BCAR3: variants seen among roughly 807,000 people sequenced by gnomAD.
The protein encoded by BCAR3 is BCAR3 adaptor protein, NSP family member, also known as breast cancer anti-estrogen resistance protein 3.
BCAR3 carries 37 observed loss-of-function variants against 80.1 expected under a neutral mutation model. The observed-to-expected ratio is 0.46, with a 90% CI of 0.36 to 0.61. BCAR3 has a LOEUF of 0.61. BCAR3 is among the 20% of genes least tolerant of loss of function. The pLI is 0.00. For missense variants in BCAR3, 978 were observed against 1,068.2 expected (o/e 0.92, Z 1.18); for synonymous variants, 389 against 418.9 (o/e 0.93, Z 0.87).
intron 2 of BCAR3, among the ~76,000 whole-genome samples, chr1:93,713,184 C>T (rs561880491): frequency 6.6e-5 from 10 of 152,214 alleles, no homozygotes; most frequent in South Asian, 2.1e-4. Context: ...TAACCAGACA[C>T]GGGTAGTGGC....
At chr1:93,618,974 C>T (rs1003723546) in intron 3 of BCAR3, among the ~76,000 whole-genome samples, 1 of 145,956 alleles carries the variant, frequency 6.9e-6, no homozygotes, top group Non-Finnish European at 1.5e-5. Flanking sequence ...GAATCTCGCT[C>T]TGTCGCCAGG....
intron 2 of BCAR3, among the ~76,000 whole-genome samples, chr1:93,654,565 G>C (rs900417989): frequency 1.3e-5 from 2 of 152,204 alleles, no homozygotes; most frequent in African/African-American, 2.4e-5. Context: ...TACAGAAACC[G>C]TGAGGTAATG....
chr1:93,633,560 G>A (rs1289240534), intron 3 of BCAR3, among the ~76,000 whole-genome samples: 3 of 152,210 alleles, frequency 2.0e-5, no homozygotes, highest in African/African-American at 7.2e-5. Flanking sequence ...CCTCCCTGGT[G>A]TGGCCCATCT....
In BCAR3 at chr1:93,642,321, T is replaced by C. The variant is rs1190871196; in HGVS notation, c.340A>G (p.Thr114Ala). The C allele has an allele frequency of 1.9e-6, 3 of 1,613,788 alleles. No homozygotes were observed. The highest frequency in any genetic ancestry group is 1.3e-5 in the African/African-American group (1 of 74,932). Residue 114 changes from threonine (T) to alanine (A), a missense_variant, in exon 3 of 12, where the codon ACT becomes GCT. Transcript: ENST00000260502. ...TTTCCTACCTTCACATATTCCACAG[T>C]TGGGTCCAGAAGATGTGGATCCCTG... ...TFRDPHLLDPTVEYVKFSKER... is the reference protein window; with the variant it reads ...TFRDPHLLDPAVEYVKFSKER...
intron 7 of BCAR3, among the ~76,000 whole-genome samples, chr1:93,578,496 T>C (rs1189182249): frequency 6.6e-6 from 1 of 152,208 alleles, no homozygotes; most frequent in Non-Finnish European, 1.5e-5. Context: ...CCATGGGTTT[T>C]GACAACTAAG....
intron 3 of BCAR3, among the ~76,000 whole-genome samples, chr1:93,607,851 C>T (rs533272891): frequency 6.6e-6 from 1 of 152,328 alleles, no homozygotes; most frequent in East Asian, 1.9e-4. Flanking sequence ...TTGCACCCAC[C>T]ACAAAGCACA....
intron 3 of BCAR3, among the ~76,000 whole-genome samples, chr1:93,616,648 G>A (rs1296287130): frequency 1.3e-5 from 2 of 152,252 alleles, no homozygotes; most frequent in Non-Finnish European, 2.9e-5. Flanking sequence ...ACAGCCCCGT[G>A]AAAGGGCTGT....
At chr1:93,631,261 G>T (rs1675611773) in intron 3 of BCAR3, among the ~76,000 whole-genome samples, 1 of 152,206 alleles carries the variant, frequency 6.6e-6, no homozygotes, top group Non-Finnish European at 1.5e-5. Context: ...CCAGTCAGTG[G>T]ATTAGGGCCC....
At chr1:93,791,305 C>T (rs1306050965) in intron 2 of BCAR3, among the ~76,000 whole-genome samples, 1 of 64,852 alleles carries the variant, frequency 1.5e-5, no homozygotes, top group Non-Finnish European at 2.6e-5. Flanking sequence ...ACATCCTCTC[C>T]AGCACCTGTT....
chr1:93,627,155 T>G (rs1008733647), intron 3 of BCAR3, among the ~76,000 whole-genome samples: 5 of 152,210 alleles, frequency 3.3e-5, no homozygotes, highest in African/African-American at 1.2e-4. Flanking sequence ...GTCATATTAA[T>G]GAATGTGAGT....
At chr1:93,604,920 C>T (rs745782287) in intron 3 of BCAR3, among the ~76,000 whole-genome samples, 22 of 152,132 alleles carry the variant, frequency 1.4e-4, no homozygotes, top group Non-Finnish European at 2.6e-4. Flanking sequence ...CCTTCTTGAC[C>T]CCAGTGAGTT....
intron 4 of BCAR3, among the ~76,000 whole-genome samples, chr1:93,591,749 T>TC (rs931903799): frequency 1.3e-5 from 2 of 152,214 alleles, no homozygotes; most frequent in Admixed American, 1.3e-4. Flanking sequence ...TCCCCTTTTT[T>TC]CCCACCTCTG....
chr1:93,640,188 T>C (rs969357433), intron 3 of BCAR3, among the ~76,000 whole-genome samples: 1 of 152,152 alleles, frequency 6.6e-6, no homozygotes, highest in African/African-American at 2.4e-5. Context: ...TTATGAGGCC[T>C]TCCTGGCACT....
At chr1:93,596,474 CCT>C (rs1674423349) in intron 3 of BCAR3, among the ~76,000 whole-genome samples, 2 of 152,136 alleles carry the variant, frequency 1.3e-5, no homozygotes, top group African/African-American at 4.8e-5. Context: ...ATCCTCAATC[CCT>C]CTGTCAGCAA....
chr1:93,826,143 G>A lies in BCAR3; in HGVS notation c.-63+19424C>T, dbSNP rs553837822. On this transcript the variant is annotated intron_variant, in intron 2 of 13. Coordinates refer to the BCAR3 transcript ENST00000370244. Reference sequence around the variant, plus strand: ...CTGCCATGGTAAGGACTCCAGAGTCGGGGATTCTGCAAGTTCTTATTCAAG... The same window carrying A: ...CTGCCATGGTAAGGACTCCAGAGTCAGGGATTCTGCAAGTTCTTATTCAAG... Among the ~76,000 whole-genome samples, 11 of 152,180 alleles carry A rather than the reference G, an allele frequency of 7.2e-5. No individual in the cohort carries two copies. In the South Asian group the frequency reaches 1.5e-3, roughly 20 times the overall value.
At chr1:93,818,090 T>A (rs1015529232) in intron 2 of BCAR3, among the ~76,000 whole-genome samples, 2 of 152,264 alleles carry the variant, frequency 1.3e-5, no homozygotes, top group Admixed American at 1.3e-4. Flanking sequence ...TTAATACTGC[T>A]GACTTTGCTA....
intron 2 of BCAR3, among the ~76,000 whole-genome samples, chr1:93,788,040 G>A (rs1653014030): frequency 6.6e-6 from 1 of 152,074 alleles, no homozygotes. Context: ...CTTCCTGTTG[G>A]ACTAATCCTT....
intron 9 of BCAR3, among the ~76,000 whole-genome samples, chr1:93,571,321 G>A (rs770788284): frequency 6.6e-6 from 1 of 151,908 alleles, no homozygotes; most frequent in Admixed American, 6.6e-5. Context: ...CCAACCTGGT[G>A]AAACCCTGTC....
In BCAR3 at chr1:93,589,194, G is replaced by C. The variant is rs201358526; in HGVS notation, c.712C>G (p.Arg238Gly). Residue 238 changes from arginine to glycine, a missense_variant, in exon 5 of 12, where the codon CGC becomes GGC. By Grantham distance (125) the Arg-to-Gly change is moderately radical. Transcript: ENST00000260502. The part of the protein sequence containing the change: ...PGLVRCYVGN[R>G]RPISQQSGAI... ...CCACTCTGCTGGGAGATGGGCCGGC[G>C]GTTGCCCACGTAGCAGCGCACCAGG... The C allele has an allele frequency of 1.2e-6, 2 of 1,613,662 alleles. No individual in the cohort carries two copies. The highest frequency in any genetic ancestry group is 1.7e-6 in the Non-Finnish European group (2 of 1,179,948).
Sources: allele counts gnomAD v4.1 joint callset (sites outside exome capture counted in the v4.1 genomes callset), GRCh38; gene constraint gnomAD v4.1.1; transcripts MANE v1.5; gene names NCBI Gene and HGNC (gene_info 2026-07-23, HGNC 2026-07-21).